The following KDM4B variants were observed in gnomAD, a reference collection of about 807,000 sequenced individuals.
The protein encoded by KDM4B is lysine demethylase 4B.
Under a neutral mutation model 125.2 loss-of-function variants are expected in KDM4B, and 32 were observed. That is an observed-to-expected ratio of 0.26 (90% CI 0.19 to 0.34). The LOEUF is 0.34. Among genes scored for constraint, KDM4B ranks in the 10% least tolerant of loss-of-function variants. The pLI is 1.00. For synonymous variants in KDM4B, 721 were observed against 677.9 expected (o/e 1.06, Z -0.99); for missense variants, 1,190 against 1,577.7 (o/e 0.75, Z 4.16).
rs1358037956 is a variant in KDM4B at position 5,115,448 on chromosome 19, C to T, written c.1116-4205C>T. Among the ~76,000 whole-genome samples the T allele has an allele frequency of 6.6e-6, 1 of 152,162 alleles. No individual in the cohort carries two copies. Among genetic ancestry groups the T allele is most frequent in the Non-Finnish European group, 1.5e-5 (1 of 68,010 alleles). On this transcript the variant is annotated intron_variant, in intron 10 of 22. Transcript: ENST00000159111. This position sits in a 1 kb window ranked among gnomAD's most constrained non-coding sequence, Gnocchi z 4.2. Reference sequence around the variant, plus strand: ...GGTCCTCTGCCAGAGAACAAAGGGGCCCAGTGGAGCAAAGCCACATATGCT... The same window carrying T: ...GGTCCTCTGCCAGAGAACAAAGGGGTCCAGTGGAGCAAAGCCACATATGCT...
intron 2 of KDM4B, among the ~76,000 whole-genome samples, chr19:5,016,870 T>C (rs62114350): frequency 0.27 from 41,595 of 152,032 alleles, 6,716 homozygotes; most frequent in East Asian, 0.69. Flanking sequence ...CACAAAGAGG[T>C]GCCTCTGGTG....
At chr19:4,980,628 T>C (rs2034605354) in intron 1 of KDM4B, among the ~76,000 whole-genome samples, 1 of 151,894 alleles carries the variant, frequency 6.6e-6, no homozygotes, top group South Asian at 2.1e-4. Flanking sequence ...TTCACCATGT[T>C]ACATGGCCAG....
At chr19:5,057,503 TG>T (rs1486215112) in intron 6 of KDM4B, among the ~76,000 whole-genome samples, 1 of 152,250 alleles carries the variant, frequency 6.6e-6, no homozygotes, top group Non-Finnish European at 1.5e-5. Context: ...TCTCTTCACC[TG>T]CTGCTCATGT....
At chr19:5,087,653 C>T (rs1202942142) in intron 9 of KDM4B, among the ~76,000 whole-genome samples, 3 of 152,248 alleles carry the variant, frequency 2.0e-5, no homozygotes, top group Non-Finnish European at 4.4e-5. Flanking sequence ...CTCCCCTCTC[C>T]TGCTGAGGGC....
intron 3 of KDM4B, among the ~76,000 whole-genome samples, chr19:5,034,003 A>G (rs1030368162): frequency 2.6e-5 from 4 of 151,932 alleles, no homozygotes; most frequent in Non-Finnish European, 5.9e-5. Context: ...TGGTGTTGGT[A>G]CATGTCTGTG....
At chr19:5,002,928 G>GT (rs1176768425) in intron 1 of KDM4B, among the ~76,000 whole-genome samples, 1 of 152,202 alleles carries the variant, frequency 6.6e-6, no homozygotes, top group African/African-American at 2.4e-5. Context: ...TCCAGCCTGA[G>GT]TGACAGAGCG....
At chr19:5,143,832 C>G in intron 18 of KDM4B, 135 bp from the exon 19 acceptor site, 1 of 703,168 alleles carries the variant, frequency 1.4e-6, no homozygotes, top group Non-Finnish European at 2.3e-6. Flanking sequence ...TGGAGGGGAA[C>G]CCTCACTGGG....
At position 5,115,989 on chromosome 19, in the gene KDM4B, A is replaced by G. The variant is rs1423890434; in HGVS notation, c.1116-3664A>G. ...ATTTCCAGGTTAAAAAGTCCACCAG[A>G]AAGTCCGCCCAAGAATGGAAATTAC... On this transcript the variant is annotated intron_variant, in intron 10 of 22. Transcript: ENST00000159111. This position sits in a 1 kb window ranked among gnomAD's most constrained non-coding sequence, Gnocchi z 4.2. 6.6e-6 allele frequency among the ~76,000 whole-genome samples: 1 copy of G among 152,182 alleles called. No individual in the cohort carries two copies. Among genetic ancestry groups the G allele is most frequent in the Non-Finnish European group, 1.5e-5 (1 of 68,036 alleles).
chr19:5,051,752 C>T (rs764846989), intron 6 of KDM4B, among the ~76,000 whole-genome samples: 1 of 152,250 alleles, frequency 6.6e-6, no homozygotes, highest in Non-Finnish European at 1.5e-5. Context: ...CCAAGAGCAG[C>T]GGGGCGAAGG....
At position 5,131,057 on chromosome 19, in the gene KDM4B, CCCTCT is replaced by C; in HGVS notation, c.1316-13_1316-9del. The C allele has an allele frequency of 6.7e-7, 1 of 1,486,972 alleles. No homozygotes were observed. Among genetic ancestry groups the C allele is most frequent in the East Asian group, 2.3e-5 (1 of 43,258 alleles). 92.1% of individuals were successfully genotyped at this position (1,486,972 alleles called of 1,614,324 possible). A position where few individuals can be genotyped will look rare whatever the true frequency, so the allele number is the denominator to read the frequency against. On this transcript the variant is annotated splice_polypyrimidine_tract_variant and intron_variant, in intron 11 of 22. Coordinates refer to ENST00000159111, the MANE Select transcript of KDM4B (RefSeq NM_015015.3). ...GAGCCCGGGTTCTCCTCCCTGACCT[CCCTCT>C]CCTCTTCCCACAGAGGACGGGAGGG...
At chr19:5,040,324 C>T (rs550674179) in intron 4 of KDM4B, among the ~76,000 whole-genome samples, 1 of 152,170 alleles carries the variant, frequency 6.6e-6, no homozygotes. Context: ...GTGGCCCCTC[C>T]TCAGAGAGGG....
intron 22 of KDM4B, 31 bp from the exon 23 acceptor site, chr19:5,151,304 T>A (rs1418485341): frequency 6.8e-7 from 1 of 1,481,224 alleles, no homozygotes; most frequent in Non-Finnish European, 9.0e-7. Flanking sequence ...GTCTCCACCG[T>A]GCTAACCACT....
chr19:4,974,168 C>T (rs1367064034), intron 1 of KDM4B, among the ~76,000 whole-genome samples: 1 of 150,916 alleles, frequency 6.6e-6, no homozygotes, highest in East Asian at 2.0e-4. Flanking sequence ...GGAGCCAAGG[C>T]GGGCAGATCA....
In KDM4B at chr19:5,081,867, C is replaced by A. The variant is rs923331209; in HGVS notation, c.781-500C>A. Reference sequence around the variant, plus strand: ...GTCCTGAGCGCGTGCAGTGTCTTGTCTTCAGAGCACTCTAAAGCTGCTGTC... The same window carrying A: ...GTCCTGAGCGCGTGCAGTGTCTTGTATTCAGAGCACTCTAAAGCTGCTGTC... On this transcript the variant is annotated intron_variant, in intron 8 of 22. Transcript: ENST00000159111. The surrounding 1 kb of genome is among the most constrained non-coding windows in gnomAD (Gnocchi z 4.2). 6.6e-6 allele frequency among the ~76,000 whole-genome samples: 1 copy of A among 152,224 alleles called. No individual in the cohort carries two copies. Among genetic ancestry groups the A allele is most frequent in the Non-Finnish European group, 1.5e-5 (1 of 68,036 alleles).
intron 1 of KDM4B, among the ~76,000 whole-genome samples, chr19:4,983,120 A>G (rs1006211831): frequency 4.0e-5 from 6 of 149,124 alleles, no homozygotes; most frequent in Admixed American, 1.3e-4. Context: ...GATGTTTCAC[A>G]CTGCTTTTTC....
Position 5,151,464 on chromosome 19 carries a change from G to A in KDM4B, c.3244G>A (p.Val1082Met), listed in dbSNP as rs369236395. Residue 1082 changes from valine to methionine, a missense_variant, in exon 23 of 23, where the codon GTG (valine) becomes ATG (methionine). Val to Met is a conservative substitution (Grantham distance 21). Around this residue, in one of 7 missense-constraint regions of KDM4B, gnomAD observed 109 missense variants for 93.8 expected, o/e 1.16. Coordinates refer to ENST00000159111, the MANE Select transcript of KDM4B (RefSeq NM_015015.3). ...GCGGAGCCAGGACTACGTGGCCTTC[G>A]TGGAGAGCCTCCTGCAGGTGCAGGG... Reference protein sequence around the residue: ...SGRSQDYVAFVESLLQVQGRP... With the variant: ...SGRSQDYVAFMESLLQVQGRP... 3.3e-6 allele frequency: 5 copies of A among 1,520,506 alleles called. No homozygotes were observed. Among genetic ancestry groups the A allele is most frequent in the African/African-American group, 2.8e-5 (2 of 70,936 alleles). The allele number at this position is 1,520,506 out of a possible 1,614,324, so 94.2% of individuals were successfully genotyped here.
chr19:5,137,837 C>A, intron 17 of KDM4B, 125 bp from the exon 18 acceptor site: 1 of 1,033,490 alleles, frequency 9.7e-7, no homozygotes, highest in Non-Finnish European at 1.4e-6. Context: ...GAGCATACGC[C>A]TGCACCGACC....
intron 3 of KDM4B, among the ~76,000 whole-genome samples, chr19:5,037,978 T>C (rs1033270710): frequency 6.6e-6 from 1 of 152,266 alleles, no homozygotes; most frequent in East Asian, 1.9e-4. Context: ...TCTTCACTGA[T>C]GTGATCGCTG....
chr19:4,989,531 G>A (rs1043971050), intron 1 of KDM4B, among the ~76,000 whole-genome samples: 2 of 151,938 alleles, frequency 1.3e-5, no homozygotes, highest in Non-Finnish European at 2.9e-5. Context: ...AGTAGAGACA[G>A]GGTTTTACCA....
Sources: gnomAD v4.1 joint callset for allele counts (sites outside exome capture counted in the v4.1 genomes callset) on GRCh38, gnomAD v4.1.1 for gene constraint, gnomAD v4.1.1 regional missense constraint, Gnocchi (gnomAD v3.1) non-coding constraint, MANE v1.5 for transcripts, NCBI Gene and HGNC (gene_info 2026-07-23, HGNC 2026-07-21) for gene names.